Variants in PCDHGA10 observed in about 807,000 individuals in gnomAD.
PCDHGA10 encodes the protein protocadherin gamma subfamily A, 10.
A neutral mutation model predicts 59.5 loss-of-function variants in PCDHGA10; 42 were observed. The observed-to-expected ratio is 0.71, with a 90% confidence interval of 0.55 to 0.91. The LOEUF is 0.91. PCDHGA10 is among the 40% of genes least tolerant of loss of function. PCDHGA10 has a pLI of 0.00. For synonymous variants in PCDHGA10, 511 were observed against 517.2 expected (o/e 0.99, Z 0.16); for missense variants, 1,111 against 1,198.2 (o/e 0.93, Z 1.07).
intron 2 of PCDHGA10, 142 bp downstream of exon 2, chr5:141,495,007 G>C (rs2099758216): frequency 2.0e-6 from 3 of 1,522,276 alleles, no homozygotes; most frequent in Non-Finnish European, 8.8e-7. Flanking sequence ...TTGGTGTGCG[G>C]GGGGCTGGCA....
intron 1 of PCDHGA10, chr5:141,492,006 G>T (rs2099736069): frequency 7.8e-6 from 5 of 643,420 alleles, no homozygotes; most frequent in Non-Finnish European, 1.3e-5. Context: ...GGCGATTTCC[G>T]CGGGTGTCGG....
chr5:141,436,051 A>G (rs2097793554), intron 1 of PCDHGA10, among the ~76,000 whole-genome samples: 1 of 152,194 alleles, frequency 6.6e-6, no homozygotes, highest in Admixed American at 6.5e-5. Flanking sequence ...ATTAGTTTTC[A>G]AATAGAATTT....
rs1212381177 is a variant in PCDHGA10 at position 141,438,571 on chromosome 5, TATAC to T, written c.2436+22980_2436+22983del. ...GCCCTAATAAGAGGCAGCTGTCTGATATACATACATACATACATACATATATATA... is the reference window on the plus strand; with the variant it reads ...GCCCTAATAAGAGGCAGCTGTCTGATATACATACATACATACATATATATA... On this transcript the variant is annotated intron_variant, in intron 1 of 3. Transcript: ENST00000398610. 9.4e-4 allele frequency among the ~76,000 whole-genome samples: 89 copies of T among 94,500 alleles called. 1 individual carries two copies. The highest frequency in any genetic ancestry group is 1.8e-3 in the African/African-American group (37 of 20,720). The allele number at this position is 94,500 out of a possible 152,430, so 62.0% of individuals were successfully genotyped here.
rs1686238986 is a variant in PCDHGA10 at position 141,431,536 on chromosome 5, G to A, written c.2436+15925G>A. The A allele has an allele frequency of 6.2e-7, 1 of 1,614,070 alleles. No homozygotes were observed. Among genetic ancestry groups the A allele is most frequent in the African/African-American group, 1.3e-5 (1 of 75,064 alleles). On this transcript the variant is annotated intron_variant, in intron 1 of 3. Transcript: ENST00000398610. The surrounding 1 kb of genome is among the most constrained non-coding windows in gnomAD (Gnocchi z 4.8). ...TTCCGGAGAATCTGGCCTTGGGCAC[G>A]CAGCTGCTTGTAGTCAACGCTACCG... is the stretch of plus-strand genomic sequence containing the variant.
At chr5:141,423,177 C>T (rs748689237) in intron 1 of PCDHGA10, 3 of 1,613,430 alleles carry the variant, frequency 1.9e-6, no homozygotes, top group Non-Finnish European at 2.5e-6. Context: ...TCCAGGACCA[C>T]GGCCAGCCCC....
At chr5:141,475,892 G>A (rs1279219556) in intron 1 of PCDHGA10, 1 of 568,264 alleles carries the variant, frequency 1.8e-6, no homozygotes, top group Non-Finnish European at 3.1e-6. Context: ...GGGACTCTGT[G>A]TGCCGCTGTC....
chr5:141,492,005 C>T (rs1444993907), intron 1 of PCDHGA10: 2 of 642,268 alleles, frequency 3.1e-6, no homozygotes, highest in Admixed American at 7.4e-5. Flanking sequence ...GGGCGATTTC[C>T]GCGGGTGTCG....
Position 141,476,659 on chromosome 5 carries a change from G to C in PCDHGA10, c.2437-18148G>C. On this transcript the variant is annotated intron_variant, in intron 1 of 3. Transcript: ENST00000398610. This position sits in a 1 kb window ranked among gnomAD's most constrained non-coding sequence, Gnocchi z 7.6. ...AGCTGAGCCGAAATGAATACTTTGCGCTTCGCGTGCAGACGCGGGAGGACA... is the reference window on the plus strand; with the variant it reads ...AGCTGAGCCGAAATGAATACTTTGCCCTTCGCGTGCAGACGCGGGAGGACA... 1 of 1,614,252 alleles carries C rather than the reference G, an allele frequency of 6.2e-7. No individual in the cohort carries two copies. The highest frequency in any genetic ancestry group is 8.5e-7 in the Non-Finnish European group (1 of 1,180,048).
chr5:141,501,132 G>T (rs371444727), intron 2 of PCDHGA10, among the ~76,000 whole-genome samples: 2 of 152,262 alleles, frequency 1.3e-5, no homozygotes, highest in East Asian at 3.9e-4. Flanking sequence ...CTCCCTAAGT[G>T]CTGGGATTAC....
At position 141,511,130 on chromosome 5, in the gene PCDHGA10, G is replaced by A. The variant is rs777082914; in HGVS notation, c.2768G>A (p.Gly923Asp). ...GKRDGKAPAG[G>D]NGNKKKSGKK... ...CGGGATGGCAAGGCCCCAGCAGGTG[G>A]CAATGGCAACAAGAAGAAGTCGGGC... The change falls in exon 4 of 4, where the codon GGC (glycine) becomes GAC (aspartate). Residue 923 changes from glycine (G) to aspartate (D), a missense_variant. Coordinates refer to ENST00000398610, the MANE Select transcript of PCDHGA10 (RefSeq NM_018913.3). 6.2e-7 allele frequency: 1 copy of A among 1,614,210 alleles called. No homozygotes were observed. The highest frequency in any genetic ancestry group is 1.1e-5 in the South Asian group (1 of 91,090).
intron 1 of PCDHGA10, chr5:141,441,971 G>C: frequency 3.3e-6 from 1 of 298,820 alleles, no homozygotes; most frequent in Admixed American, 4.4e-5. Flanking sequence ...AGGCTCTTCA[G>C]CCTGGAATGC....
At position 141,487,144 on chromosome 5, in the gene PCDHGA10, C is replaced by T. The variant is rs2099640304; in HGVS notation, c.2437-7663C>T. The T allele has an allele frequency of 6.2e-7, 1 of 1,614,032 alleles. No homozygotes were observed. Among genetic ancestry groups the T allele is most frequent in the African/African-American group, 1.3e-5 (1 of 75,056 alleles). On this transcript the variant is annotated intron_variant, in intron 1 of 3. Coordinates refer to ENST00000398610, the MANE Select transcript of PCDHGA10 (RefSeq NM_018913.3). This position sits in a 1 kb window ranked among gnomAD's most constrained non-coding sequence, Gnocchi z 5.0. ...ATAGTGGTAGTCCACCACTCTCTAC[C>T]TCTGTTACTCTCTTAGTGTCCTTAG...
At chr5:141,472,000 C>T (rs935165645) in intron 1 of PCDHGA10, among the ~76,000 whole-genome samples, 3 of 151,852 alleles carry the variant, frequency 2.0e-5, no homozygotes, top group African/African-American at 4.8e-5. Flanking sequence ...ATCCCTGCAT[C>T]GTATAGGGGC....
Position 141,511,995 on chromosome 5 carries a change from A to G in PCDHGA10, c.*822A>G, listed in dbSNP as rs1049905198. The G allele has an allele frequency of 1.3e-5, 2 of 153,074 alleles. No homozygotes were observed. The highest frequency in any genetic ancestry group is 4.8e-5 in the African/African-American group (2 of 41,464). The allele number at this position is 153,074 out of a possible 1,614,324, so 9.5% of individuals were successfully genotyped here. On this transcript the variant is annotated 3_prime_UTR_variant, in exon 4 of 4. Transcript: ENST00000398610. The stretch of plus-strand genomic sequence containing the variant: ...GGATGTGGATGGTGGGGGCATGGAC[A>G]AAGCTTGACACATCAAGTTATCAAG...
intron 1 of PCDHGA10, chr5:141,418,464 G>A: frequency 3.7e-6 from 6 of 1,614,010 alleles, no homozygotes; most frequent in Non-Finnish European, 5.1e-6. Flanking sequence ...ACTCTGGACC[G>A]AGAAACGCAG....
intron 1 of PCDHGA10, chr5:141,420,084 A>G (rs1454284559): frequency 2.5e-6 from 4 of 1,613,890 alleles, no homozygotes; most frequent in African/African-American, 1.3e-5. Context: ...GGTCCCCCCA[A>G]CTACAGTGAG....
chr5:141,507,862 G>T (rs17286954), intron 3 of PCDHGA10, among the ~76,000 whole-genome samples: 20,426 of 152,154 alleles, frequency 0.13, 1,374 homozygotes, highest in Admixed American at 0.16. Context: ...TTTCACACCC[G>T]CTTCCTAGCC....
chr5:141,476,743 T>A lies in PCDHGA10; in HGVS notation c.2437-18064T>A. On this transcript the variant is annotated intron_variant, in intron 1 of 3. Coordinates refer to ENST00000398610, the MANE Select transcript of PCDHGA10 (RefSeq NM_018913.3). The surrounding 1 kb of genome is among the most constrained non-coding windows in gnomAD (Gnocchi z 7.6). ...CCCTGGACCGAGAACGGGAGCCTAG[T>A]CTCCAGTTAGTGCTGACGGCGTTGG... is the stretch of plus-strand genomic sequence containing the variant. The A allele has an allele frequency of 6.2e-7, 1 of 1,613,932 alleles. No individual in the cohort carries two copies. The highest frequency in any genetic ancestry group is 1.1e-5 in the South Asian group (1 of 91,064).
chr5:141,498,273 A>G (rs1595516143), intron 2 of PCDHGA10, among the ~76,000 whole-genome samples: 1 of 152,038 alleles, frequency 6.6e-6, no homozygotes, highest in East Asian at 1.9e-4. Flanking sequence ...TCTTCAGTAA[A>G]CTTGGTTCAA....
Sources: allele counts gnomAD v4.1 joint callset (sites outside exome capture counted in the v4.1 genomes callset), GRCh38; gene constraint gnomAD v4.1.1; non-coding constraint Gnocchi (gnomAD v3.1); transcripts MANE v1.5; gene names NCBI Gene and HGNC (gene_info 2026-07-23, HGNC 2026-07-21).